Variants in ATXN1 observed in about 807,000 individuals in gnomAD.
ATXN1 encodes ataxin-1.
Under a neutral mutation model 56.4 loss-of-function variants are expected in ATXN1, and 8 were observed. That is an observed-to-expected ratio of 0.14 (90% confidence interval 0.08 to 0.26). The LOEUF (loss-of-function observed/expected upper bound fraction) is 0.26, where lower values mean the gene tolerates loss of function less well. ATXN1 is among the 10% of genes least tolerant of loss of function. The pLI is 1.00. For synonymous variants in ATXN1, 514 were observed against 494.6 expected (o/e 1.04, Z -0.52); for missense variants, 987 against 1,106.5 (o/e 0.89, Z 1.53).
chr6:16,521,693 T>TGGGTCTGC (rs1761293728), intron 5 of ATXN1, among the ~76,000 whole-genome samples: 1 of 152,242 alleles, frequency 6.6e-6, no homozygotes, highest in African/African-American at 2.4e-5. Flanking sequence ...GTCGGGTGTG[T>TGGGTCTGC]GGGTCTGCAG....
chr6:16,489,049 G>A (rs1760606286), intron 5 of ATXN1, among the ~76,000 whole-genome samples: 1 of 152,120 alleles, frequency 6.6e-6, no homozygotes, highest in Admixed American at 6.5e-5. Context: ...AGCACTTACA[G>A]TCTCTACCAC....
At chr6:16,578,531 G>C (rs559700486) in intron 4 of ATXN1, among the ~76,000 whole-genome samples, 1 of 152,186 alleles carries the variant, frequency 6.6e-6, no homozygotes, top group Admixed American at 6.5e-5. Flanking sequence ...TTAAACAGAA[G>C]AGTTTTCCTT....
At chr6:16,677,977 G>A (rs1483095105) in intron 2 of ATXN1, among the ~76,000 whole-genome samples, 2 of 152,176 alleles carry the variant, frequency 1.3e-5, no homozygotes, top group Non-Finnish European at 2.9e-5. Flanking sequence ...TTTATCAGGG[G>A]CTGTTTGCCT....
At chr6:16,343,375 T>C (rs1026524360) in intron 6 of ATXN1, among the ~76,000 whole-genome samples, 3 of 152,200 alleles carry the variant, frequency 2.0e-5, no homozygotes, top group Admixed American at 6.5e-5. Flanking sequence ...TGTCATGATC[T>C]TAAAAGTTTG....
At chr6:16,674,819 TG>T (rs1202527852) in intron 2 of ATXN1, among the ~76,000 whole-genome samples, 8 of 152,126 alleles carry the variant, frequency 5.3e-5, no homozygotes, top group Admixed American at 4.6e-4. Context: ...TCCTGGGAAA[TG>T]GCCACTGTAC....
intron 6 of ATXN1, among the ~76,000 whole-genome samples, chr6:16,475,274 C>G (rs1760303695): frequency 6.6e-6 from 1 of 152,194 alleles, no homozygotes; most frequent in African/African-American, 2.4e-5. Context: ...CAATACATAA[C>G]CGAATTCACT....
rs138183684 is a variant in ATXN1, at chr6:16,676,380, T to C, written c.-614-18479A>G. Among the ~76,000 whole-genome samples the C allele has an allele frequency of 7.2e-5, 11 of 152,296 alleles. 1 individual carries two copies. The East Asian group carries it at 1.9e-3, about 27-fold the overall frequency. On this transcript the variant is annotated intron_variant, in intron 2 of 7. Coordinates refer to ENST00000436367, the MANE Select transcript of ATXN1 (RefSeq NM_001128164.2). ...AGTTGTATAAAATCAATGTACAAAG[T>C]AGTACATTATTTCAAAACCCACAAT...
At position 16,587,731 on chromosome 6, in the gene ATXN1, G is replaced by A. The variant is rs919851009; in HGVS notation, c.-488-1824C>T. 3.3e-5 allele frequency among the ~76,000 whole-genome samples: 5 copies of A among 151,742 alleles called. No individual in the cohort carries two copies. The South Asian group carries it at 6.2e-4, about 19-fold the overall frequency. ...GAGGATCACCTGAGGTCAGGAGTTC[G>A]AGACCAGCCTGGCCAACATGGTGAA... On this transcript the variant is annotated intron_variant, in intron 3 of 7. Transcript: ENST00000436367.
At chr6:16,555,552 G>A (rs1022679119) in intron 4 of ATXN1, among the ~76,000 whole-genome samples, 4 of 152,050 alleles carry the variant, frequency 2.6e-5, no homozygotes, top group Non-Finnish European at 5.9e-5. Flanking sequence ...TCCTACAATC[G>A]GAAAATCACA....
In ATXN1 at chr6:16,679,702, TAAA is replaced by T. The variant is rs1260418166; in HGVS notation, c.-614-21804_-614-21802del. On this transcript the variant is annotated intron_variant, in intron 2 of 7. Transcript: ENST00000436367. The stretch of plus-strand genomic sequence containing the variant: ...AAAGAACTCAATGGAAGAACACATG[TAAA>T]AGTCTGTACATTCAAACCATTCCTC... Among the ~76,000 whole-genome samples, 9 of 152,360 alleles carry T rather than the reference TAAA, an allele frequency of 5.9e-5. No homozygotes were observed. The South Asian group carries it at 1.2e-3, about 21-fold the overall frequency.
intron 4 of ATXN1, among the ~76,000 whole-genome samples, chr6:16,534,395 G>GA (rs1036878852): frequency 2.0e-5 from 3 of 149,018 alleles, no homozygotes; most frequent in African/African-American, 7.4e-5. Context: ...ACTACTAGAG[G>GA]AAAAAAAAAT....
chr6:16,481,473 G>T (rs1273959898), intron 6 of ATXN1, among the ~76,000 whole-genome samples: 1 of 152,170 alleles, frequency 6.6e-6, no homozygotes, highest in African/African-American at 2.4e-5. Flanking sequence ...ACAGCATAAT[G>T]CTGTTTACAC....
chr6:16,343,238 G>T (rs939554297), intron 6 of ATXN1, among the ~76,000 whole-genome samples: 2 of 152,120 alleles, frequency 1.3e-5, no homozygotes, highest in Non-Finnish European at 2.9e-5. Flanking sequence ...CCAGCTACTC[G>T]AGAGGCTGAG....
intron 4 of ATXN1, among the ~76,000 whole-genome samples, chr6:16,577,067 T>C (rs562456146): frequency 7.9e-5 from 12 of 152,298 alleles, no homozygotes; most frequent in Non-Finnish European, 1.8e-4. Context: ...GTCTTCATCA[T>C]GTGGCATGCT....
intron 3 of ATXN1, among the ~76,000 whole-genome samples, chr6:16,598,522 T>C (rs112826413): frequency 6.6e-6 from 1 of 152,186 alleles, no homozygotes; most frequent in Non-Finnish European, 1.5e-5. Context: ...GTTCATCCGC[T>C]GTAAAAGGAG....
rs1230871040 is a variant in ATXN1 at position 16,328,746 on chromosome 6, CAAAAATA to C, written c.-160-283_-160-277del. ...TAACATGGTGAAACCCCGTCTCTAC[CAAAAATA>C]AAAAATAAAAAACAAATTTAGCCTG... On this transcript the variant is annotated intron_variant, in intron 6 of 7. Coordinates refer to ENST00000436367, the MANE Select transcript of ATXN1 (RefSeq NM_001128164.2). This position sits in a 1 kb window ranked among gnomAD's most constrained non-coding sequence, Gnocchi z 6.2. 6.6e-6 allele frequency among the ~76,000 whole-genome samples: 1 copy of C among 151,792 alleles called. No individual in the cohort carries two copies. Among genetic ancestry groups the C allele is most frequent in the Non-Finnish European group, 1.5e-5 (1 of 67,928 alleles).
intron 6 of ATXN1, among the ~76,000 whole-genome samples, chr6:16,416,739 G>A (rs1208104650): frequency 6.6e-6 from 1 of 152,056 alleles, no homozygotes. Flanking sequence ...CATTTTCACC[G>A]CTTAGTTCAT....
intron 5 of ATXN1, among the ~76,000 whole-genome samples, chr6:16,514,873 C>T (rs888190715): frequency 7.9e-5 from 12 of 151,884 alleles, no homozygotes; most frequent in Non-Finnish European, 1.6e-4. Context: ...ATCCCAGCTA[C>T]TTGGGAGGCT....
At chr6:16,537,967 G>A (rs1761637995) in intron 4 of ATXN1, among the ~76,000 whole-genome samples, 1 of 152,184 alleles carries the variant, frequency 6.6e-6, no homozygotes, top group African/African-American at 2.4e-5. Context: ...GCCAGGCATG[G>A]TGGCAGATGC....
Sources: allele counts gnomAD v4.1 joint callset (sites outside exome capture counted in the v4.1 genomes callset), GRCh38; gene constraint gnomAD v4.1.1; non-coding constraint Gnocchi (gnomAD v3.1); transcripts MANE v1.5; gene names NCBI Gene and HGNC (gene_info 2026-07-23, HGNC 2026-07-21).